MSR1: variants seen among roughly 807,000 people sequenced by gnomAD.
MSR1 encodes the protein macrophage scavenger receptor 1, also known as macrophage scavenger receptor types I and II.
In MSR1, 53 loss-of-function variants were observed where a neutral mutation model predicts 47.2. The observed-to-expected ratio is 1.12, with a 90% CI of 0.90 to 1.41. The LOEUF is 1.41. Ranked by LOEUF, MSR1 falls within the 40% of genes most tolerant of loss-of-function variation. The pLI, the probability that MSR1 is intolerant of heterozygous loss-of-function variation, is 0.00. For missense variants in MSR1, 786 were observed against 546.9 expected, an observed-to-expected ratio of 1.44 and a Z score of -4.36; for synonymous variants, 239 against 185.6, an observed-to-expected ratio of 1.29 and a Z score of -2.34.
At chr8:16,181,799 TTA>T (rs1801841279) in intron 1 of MSR1, among the ~76,000 whole-genome samples, 1 of 139,972 alleles carries the variant, frequency 7.1e-6, no homozygotes, top group Non-Finnish European at 1.5e-5. Context: ...AAAGTATAAT[TTA>T]AAAAAAAAAA....
At chr8:16,121,689 C>A (rs1467536500) in intron 8 of MSR1, among the ~76,000 whole-genome samples, 2 of 151,264 alleles carry the variant, frequency 1.3e-5, no homozygotes, top group African/African-American at 2.4e-5. Flanking sequence ...AAATGTAATT[C>A]TACGTAAACA....
chr8:16,155,256 A>G (rs561493477), intron 5 of MSR1, 112 bp from the exon 6 acceptor site: 15 of 748,470 alleles, frequency 2.0e-5, no homozygotes, highest in Middle Eastern at 2.5e-4. Context: ...TTGTTGTGCA[A>G]TAATATAGAA....
chr8:16,158,316 C>A (rs1801066027), intron 5 of MSR1, among the ~76,000 whole-genome samples: 1 of 151,876 alleles, frequency 6.6e-6, no homozygotes. Flanking sequence ...ATGATTACTT[C>A]TTAAAAAGGA....
At chr8:16,156,626 G>A (rs1801018452) in intron 5 of MSR1, among the ~76,000 whole-genome samples, 2 of 151,794 alleles carry the variant, frequency 1.3e-5, no homozygotes, top group African/African-American at 2.4e-5. Flanking sequence ...CCTAGAAAAA[G>A]CGTGAGGAAG....
rs536450991 is a variant in MSR1 at position 16,182,408 on chromosome 8, T to C, written c.-4-4416A>G. ...AAATTTTATTTGTTCAATAATAAATTAGCCTTAGTTTACAGTACCTTTAAT... is the reference window on the plus strand; with the variant it reads ...AAATTTTATTTGTTCAATAATAAATCAGCCTTAGTTTACAGTACCTTTAAT... On this transcript the variant is annotated intron_variant, in intron 1 of 9. Transcript: ENST00000262101. Among the ~76,000 whole-genome samples the C allele has an allele frequency of 2.0e-5, 3 of 152,290 alleles. No individual in the cohort carries two copies. The East Asian group carries it at 5.8e-4, about 29-fold the overall frequency.
chr8:16,183,063 T>A (rs1318852734), intron 1 of MSR1, among the ~76,000 whole-genome samples: 1 of 152,110 alleles, frequency 6.6e-6, no homozygotes. Flanking sequence ...TCCATTATAA[T>A]CTTATGGGAC....
intron 1 of MSR1, among the ~76,000 whole-genome samples, chr8:16,182,201 G>A (rs908646124): frequency 1.1e-4 from 16 of 152,156 alleles, no homozygotes; most frequent in African/African-American, 3.6e-4. Flanking sequence ...TACACATAGA[G>A]AAATGCAGTA....
chr8:16,162,069 G>A (rs1231186419), intron 5 of MSR1, among the ~76,000 whole-genome samples: 1 of 151,910 alleles, frequency 6.6e-6, no homozygotes, highest in Non-Finnish European at 1.5e-5. Flanking sequence ...CAAACTGATA[G>A]ACATAAATCC....
intron 8 of MSR1, among the ~76,000 whole-genome samples, chr8:16,130,307 T>C (rs1385526601): frequency 6.6e-6 from 1 of 152,172 alleles, no homozygotes; most frequent in East Asian, 1.9e-4. Flanking sequence ...AGTCTGTCAG[T>C]GTCATTTTTC....
intron 7 of MSR1, among the ~76,000 whole-genome samples, 186 bp from the exon 8 acceptor site, chr8:16,143,797 A>G (rs1025872815): frequency 3.3e-5 from 5 of 152,210 alleles, no homozygotes; most frequent in Non-Finnish European, 7.4e-5. Context: ...TTCTGAACTC[A>G]ATATTGTGAT....
At chr8:16,191,438 C>T (rs990592732) in intron 1 of MSR1, among the ~76,000 whole-genome samples, 8 of 151,902 alleles carry the variant, frequency 5.3e-5, no homozygotes, top group Non-Finnish European at 8.8e-5. Context: ...AGAATTATTG[C>T]GAGAATTAAA....
intron 1 of MSR1, among the ~76,000 whole-genome samples, chr8:16,189,400 A>ATATAAAATCT (rs1802106925): frequency 1.0e-5 from 1 of 95,574 alleles, no homozygotes; most frequent in South Asian, 3.2e-4. Context: ...TATTTTATAT[A>ATATAAAATCT]TATTTTATAT....
At position 16,108,780 on chromosome 8, in the gene MSR1, G is replaced by A. The variant is rs141117106; in HGVS notation, c.*1305C>T. On this transcript the variant is annotated 3_prime_UTR_variant, in exon 10 of 10. Coordinates refer to ENST00000262101, the MANE Select transcript of MSR1 (RefSeq NM_138715.3). ...TTGCCTTTTTAAGTTGGACGGCTGT[G>A]AGTCTACCACTTGGTTATTATGTGT... 1.8e-4 allele frequency: 28 copies of A among 152,220 alleles called. No homozygotes were observed. Among genetic ancestry groups the A allele is most frequent in the African/African-American group, 6.5e-4 (27 of 41,560 alleles). 9.4% of individuals were successfully genotyped at this position (152,220 alleles called of 1,614,324 possible).
In MSR1 at chr8:16,166,936, T is replaced by TACAC. The variant is rs5889636; in HGVS notation, c.630+1518_630+1521dup. On this transcript the variant is annotated intron_variant, in intron 4 of 9. Transcript: ENST00000262101. Reference sequence around the variant, plus strand: ...TGTTGTTTTTCAGTGTACACAGGAGTACACACACACACACACACACACACA... The same window carrying TACAC: ...TGTTGTTTTTCAGTGTACACAGGAGTACACACACACACACACACACACACACACA... Among the ~76,000 whole-genome samples the TACAC allele has an allele frequency of 3.4e-3, 507 of 147,068 alleles. 12 individuals carry two copies. In the East Asian group the frequency reaches 0.078, roughly 23 times the overall value.
At chr8:16,181,025 A>C (rs1466038793) in intron 1 of MSR1, among the ~76,000 whole-genome samples, 1 of 152,112 alleles carries the variant, frequency 6.6e-6, no homozygotes, top group African/African-American at 2.4e-5. Context: ...GCCAAACTGG[A>C]TTATTTAGAT....
At chr8:16,189,549 T>C (rs1585204950) in intron 1 of MSR1, among the ~76,000 whole-genome samples, 1 of 78,088 alleles carries the variant, frequency 1.3e-5, no homozygotes, top group Non-Finnish European at 2.1e-5. Flanking sequence ...TTTTATATAT[T>C]TTATATATAT....
chr8:16,119,368 G>A (rs533953577), intron 9 of MSR1, among the ~76,000 whole-genome samples: 6 of 152,030 alleles, frequency 3.9e-5, no homozygotes, highest in African/African-American at 7.2e-5. Context: ...TGGGATTACC[G>A]GCGTGCACCA....
chr8:16,137,040 G>C (rs944171115), intron 8 of MSR1, among the ~76,000 whole-genome samples: 2 of 79,108 alleles, frequency 2.5e-5, no homozygotes, highest in Non-Finnish European at 4.8e-5. Flanking sequence ...ACATTATGGA[G>C]TTAAAAAAAA....
In MSR1 at chr8:16,164,097, G is replaced by C; in HGVS notation, c.785C>G (p.Ser262Cys). ...NDLRLKDWEH[S>C]QTLRNITLIQ... The stretch of plus-strand genomic sequence containing the variant: ...TAAAGTGATATTTCTCAAGGTCTGA[G>C]AATGTTCCCAATCTTTCAGTCTGAG... The change falls in exon 5 of 10, where the codon TCT (serine) becomes TGT (cysteine). Residue 262 changes from serine (S) to cysteine (C), a missense_variant. By Grantham distance (112) the Ser-to-Cys change is moderately radical. Transcript: ENST00000262101. 1 of 1,610,830 alleles carries C rather than the reference G, an allele frequency of 6.2e-7. No homozygotes were observed. Among genetic ancestry groups the C allele is most frequent in the Non-Finnish European group, 8.5e-7 (1 of 1,177,904 alleles).
Sources: gnomAD v4.1 joint callset for allele counts (sites outside exome capture counted in the v4.1 genomes callset) on GRCh38, gnomAD v4.1.1 for gene constraint, MANE v1.5 for transcripts, NCBI Gene and HGNC (gene_info 2026-07-23, HGNC 2026-07-21) for gene names.